Variants in NOX3 observed in about 807,000 individuals in gnomAD.
The protein encoded by NOX3 is NADPH oxidase catalytic subunit-like 3.
Under a neutral mutation model 76.7 loss-of-function variants are expected in NOX3, and 74 were observed. That is an observed-to-expected ratio of 0.96 (90% CI 0.80 to 1.17). The LOEUF is 1.17. NOX3 is among the 50% of genes most tolerant of loss of function. The pLI is 0.00. For synonymous variants in NOX3, 263 were observed against 261.1 expected (o/e 1.01, Z -0.07); for missense variants, 695 against 703.3 (o/e 0.99, Z 0.13).
At chr6:155,432,436 G>T (rs905821562) in intron 7 of NOX3, among the ~76,000 whole-genome samples, 1 of 151,342 alleles carries the variant, frequency 6.6e-6, no homozygotes, top group Non-Finnish European at 1.5e-5. Context: ...AGGATGTCTC[G>T]GTCTTCAGAA....
intron 9 of NOX3, among the ~76,000 whole-genome samples, chr6:155,426,937 G>A (rs772499347): frequency 6.7e-6 from 1 of 150,312 alleles, no homozygotes; most frequent in Non-Finnish European, 1.5e-5. Context: ...TTGCCTTGGC[G>A]ATGCCAAGGG....
intron 9 of NOX3, among the ~76,000 whole-genome samples, chr6:155,426,726 C>G (rs778877913): frequency 2.0e-5 from 3 of 151,838 alleles, no homozygotes; most frequent in Non-Finnish European, 4.4e-5. Context: ...CCAGGGAGGC[C>G]CTGGGGATCC....
chr6:155,397,000 A>G (rs781737137), intron 12 of NOX3, 38 bp from the exon 13 acceptor site: 4 of 1,578,022 alleles, frequency 2.5e-6, no homozygotes, highest in Middle Eastern at 1.7e-4. Flanking sequence ...AAATGTCACC[A>G]GGAGGCAAGG....
At chr6:155,443,482 A>T in intron 4 of NOX3, 64 bp from the exon 5 acceptor site, 2 of 1,556,688 alleles carry the variant, frequency 1.3e-6, no homozygotes, top group African/African-American at 2.7e-5. Context: ...GTTACTAAAA[A>T]ATACAGTGTC....
At chr6:155,395,804 A>G (rs1779131201) in intron 13 of NOX3, among the ~76,000 whole-genome samples, 1 of 152,180 alleles carries the variant, frequency 6.6e-6, no homozygotes, top group African/African-American at 2.4e-5. Context: ...GGGAATTAAA[A>G]AAAATCTCAG....
intron 4 of NOX3, among the ~76,000 whole-genome samples, chr6:155,448,776 T>A (rs1777097971): frequency 6.6e-6 from 1 of 152,146 alleles, no homozygotes; most frequent in East Asian, 1.9e-4. Context: ...CTTGGAAGTG[T>A]GGTCTGTCCT....
At chr6:155,439,375 C>G (rs151122953) in intron 6 of NOX3, among the ~76,000 whole-genome samples, 1 of 152,218 alleles carries the variant, frequency 6.6e-6, no homozygotes, top group African/African-American at 2.4e-5. Context: ...TGAACCATAT[C>G]AGGCAGGTAT....
At chr6:155,437,734 C>A (rs1189855431) in intron 6 of NOX3, among the ~76,000 whole-genome samples, 1 of 152,290 alleles carries the variant, frequency 6.6e-6, no homozygotes, top group South Asian at 2.1e-4. Context: ...CTAAAAGAAG[C>A]CTCATATCAT....
At chr6:155,436,583 C>G (rs1562468557) in intron 6 of NOX3, 36 bp from the exon 7 acceptor site, 1 of 1,606,610 alleles carries the variant, frequency 6.2e-7, no homozygotes, top group Non-Finnish European at 8.5e-7. Context: ...AAACAAAAAG[C>G]AAAAAACGTC....
At chr6:155,417,590 C>T (rs536147807) in intron 10 of NOX3, among the ~76,000 whole-genome samples, 12 of 152,250 alleles carry the variant, frequency 7.9e-5, no homozygotes, top group African/African-American at 2.6e-4. Context: ...TGAATGGCCC[C>T]TCCTAAAGAG....
chr6:155,431,413 A>AACAC (rs61041630), intron 7 of NOX3, among the ~76,000 whole-genome samples: 37,860 of 144,452 alleles, frequency 0.26, 5,313 homozygotes, highest in African/African-American at 0.37. Context: ...TAAACACAGA[A>AACAC]ACACACACAC....
intron 12 of NOX3, among the ~76,000 whole-genome samples, chr6:155,398,401 A>ATT: frequency 1.3e-5 from 2 of 152,256 alleles, no homozygotes; most frequent in Admixed American, 1.3e-4. Context: ...GTGCCTATAG[A>ATT]GCCTAGTTCT....
chr6:155,445,959 A>ATATATATAATATATATATGC (rs1777057378), intron 4 of NOX3, among the ~76,000 whole-genome samples: 2 of 122,282 alleles, frequency 1.6e-5, no homozygotes, highest in African/African-American at 7.2e-5. Context: ...TATATATGCT[A>ATATATATAATATATATATGC]TATATATATA....
intron 10 of NOX3, among the ~76,000 whole-genome samples, chr6:155,414,623 CTTT>C (rs72348061): frequency 0.011 from 1,254 of 113,758 alleles, 32 homozygotes; most frequent in Non-Finnish European, 0.014. Flanking sequence ...TCTTTTCTTT[CTTT>C]TTTTTTTTTT....
intron 4 of NOX3, among the ~76,000 whole-genome samples, chr6:155,450,176 G>C (rs1395300037): frequency 6.6e-6 from 1 of 152,114 alleles, no homozygotes; most frequent in East Asian, 1.9e-4. Context: ...AGATATCTGG[G>C]AGCCTGGCAA....
intron 12 of NOX3, 38 bp downstream of exon 12, chr6:155,407,092 A>G: frequency 6.2e-7 from 1 of 1,612,922 alleles, no homozygotes; most frequent in Non-Finnish European, 8.5e-7. Flanking sequence ...TTCTCCAGAG[A>G]AGAGCCTGGC....
At chr6:155,407,586 C>T (rs1301497413) in intron 11 of NOX3, among the ~76,000 whole-genome samples, 1 of 152,234 alleles carries the variant, frequency 6.6e-6, no homozygotes, top group African/African-American at 2.4e-5. Flanking sequence ...TAAACGACTT[C>T]CTTCTTTTCC....
At chr6:155,433,446 C>A (rs1290910637) in intron 7 of NOX3, among the ~76,000 whole-genome samples, 2 of 152,240 alleles carry the variant, frequency 1.3e-5, no homozygotes, top group Non-Finnish European at 2.9e-5. Context: ...TGTCTGAAGA[C>A]CTGGATTCTG....
At chr6:155,414,623 C>CTTTTTTTTTTTTT (rs72348061) in intron 10 of NOX3, among the ~76,000 whole-genome samples, 41 of 113,794 alleles carry the variant, frequency 3.6e-4, no homozygotes, top group East Asian at 7.2e-4. Context: ...TCTTTTCTTT[C>CTTTTTTTTTTTTT]TTTTTTTTTT....
Sources: gnomAD v4.1 joint callset for allele counts (sites outside exome capture counted in the v4.1 genomes callset) on GRCh38, gnomAD v4.1.1 for gene constraint, MANE v1.5 for transcripts, NCBI Gene and HGNC (gene_info 2026-07-23, HGNC 2026-07-21) for gene names.